ZNF407: variants seen among roughly 807,000 people sequenced by gnomAD.
The protein encoded by ZNF407 is zinc finger protein 407.
A neutral mutation model predicts 131.2 loss-of-function variants in ZNF407; 17 were observed. The observed-to-expected ratio is 0.13, with a 90% confidence interval of 0.09 to 0.19. The LOEUF is 0.19. Ranked by LOEUF, ZNF407 falls within the 10% of genes least tolerant of loss-of-function variation. The pLI, the probability that ZNF407 is intolerant of heterozygous loss-of-function variation, is 1.00. For synonymous variants in ZNF407, 1,156 were observed against 1,062.0 expected (o/e 1.09, Z -1.72); for missense variants, 2,681 against 2,830.6 (o/e 0.95, Z 1.20).
intron 8 of ZNF407, among the ~76,000 whole-genome samples, chr18:74,973,727 G>A (rs1312887339): frequency 3.9e-5 from 6 of 152,162 alleles, no homozygotes; most frequent in African/African-American, 7.2e-5. Context: ...GTGTTGGTCA[G>A]GCCATGCTTC....
rs1973700494 is a variant in ZNF407, at chr18:75,065,348, C to T, written c.*880C>T. ...TATTGATGCCATTTTTGCAGGATTT[C>T]TTCGTGATTTCTGTCCATATGAAAA... On this transcript the variant is annotated 3_prime_UTR_variant, in exon 9 of 9. Coordinates refer to ENST00000299687, the MANE Select transcript of ZNF407 (RefSeq NM_017757.3). 1 of 152,144 alleles carries T rather than the reference C, an allele frequency of 6.6e-6. No individual in the cohort carries two copies. The highest frequency in any genetic ancestry group is 2.1e-4 in the South Asian group (1 of 4,824). The allele number at this position is 152,144 out of a possible 1,614,324, so 9.4% of individuals were successfully genotyped here.
In ZNF407 at chr18:75,063,439, G is replaced by A. The variant is rs754942254; in HGVS notation, c.5718G>A (p.Thr1906=). 7.6e-5 allele frequency: 122 copies of A among 1,608,962 alleles called. No individual in the cohort carries two copies. Among genetic ancestry groups the A allele is most frequent in the Admixed American group, 3.5e-4 (21 of 59,432 alleles). ...AGGTGGCCCGGGTGGTGCATATCAC[G>A]GAGGATGGCCAGGTCATCGCCACGA... ...AGQVARVVHI[T]EDGQVIATSQ... Residue 1906 remains threonine (T), a synonymous_variant, in exon 9 of 9, where the codon ACG becomes ACA. Transcript: ENST00000299687. The surrounding 1 kb of genome is among the most constrained non-coding windows in gnomAD (Gnocchi z 6.6).
intron 3 of ZNF407, among the ~76,000 whole-genome samples, chr18:74,772,282 A>C (rs1969378624): frequency 6.6e-6 from 1 of 152,186 alleles, no homozygotes; most frequent in Non-Finnish European, 1.5e-5. Context: ...TAAGCAATAT[A>C]TTATTTGTTG....
intron 4 of ZNF407, among the ~76,000 whole-genome samples, chr18:74,797,572 A>T (rs1223959181): frequency 6.6e-6 from 1 of 152,282 alleles, no homozygotes; most frequent in Non-Finnish European, 1.5e-5. Context: ...GTGGGAGTAC[A>T]GGAATGCACT....
chr18:74,739,668 A>G (rs904850543), intron 3 of ZNF407, among the ~76,000 whole-genome samples: 1 of 152,148 alleles, frequency 6.6e-6, no homozygotes, highest in Non-Finnish European at 1.5e-5. Flanking sequence ...AAAATACACT[A>G]TGAAGGAGGA....
At chr18:74,756,125 C>G (rs1320025836) in intron 3 of ZNF407, among the ~76,000 whole-genome samples, 2 of 151,614 alleles carry the variant, frequency 1.3e-5, no homozygotes, top group Admixed American at 6.6e-5. Flanking sequence ...AACTCCTGAC[C>G]TCATGATGTG....
At chr18:74,834,547 G>T (rs567918204) in intron 4 of ZNF407, among the ~76,000 whole-genome samples, 90 of 152,252 alleles carry the variant, frequency 5.9e-4, no homozygotes, top group African/African-American at 2.0e-3. Flanking sequence ...GGATGAACAG[G>T]GCCCCCTTCA....
Position 75,064,605 on chromosome 18 carries a change from C to A in ZNF407, c.*137C>A. The A allele has an allele frequency of 1.2e-6, 1 of 802,918 alleles. No individual in the cohort carries two copies. Among genetic ancestry groups the A allele is most frequent in the Non-Finnish European group, 1.8e-6 (1 of 549,492 alleles). The allele number at this position is 802,918 out of a possible 1,614,324, so 49.7% of individuals were successfully genotyped here. On this transcript the variant is annotated 3_prime_UTR_variant, in exon 9 of 9. Transcript: ENST00000299687. The stretch of plus-strand genomic sequence containing the variant: ...TCCCGTGAGCTCTGAGCATGCCCTC[C>A]CAGCGAGAGTCACACTGGCCACCAG...
Position 74,866,875 on chromosome 18 carries a change from G to A in ZNF407, c.4878-10322G>A, listed in dbSNP as rs1463416283. On this transcript the variant is annotated intron_variant, in intron 4 of 8. Transcript: ENST00000299687. Reference sequence around the variant, plus strand: ...TCATTGATATTTAGTGTAAAAGTGGGCCTTGTGGCATGTACCTGTAGTCCC... The same window carrying A: ...TCATTGATATTTAGTGTAAAAGTGGACCTTGTGGCATGTACCTGTAGTCCC... Among the ~76,000 whole-genome samples, 3 of 144,954 alleles carry A rather than the reference G, an allele frequency of 2.1e-5. No homozygotes were observed. The East Asian group carries it at 6.0e-4, about 29-fold the overall frequency.
intron 6 of ZNF407, 27 bp from the exon 7 acceptor site, chr18:74,889,891 T>C: frequency 1.3e-6 from 2 of 1,585,172 alleles, no homozygotes; most frequent in Non-Finnish European, 1.7e-6. Flanking sequence ...TTATTATTCA[T>C]CTGTAACATT....
intron 8 of ZNF407, among the ~76,000 whole-genome samples, chr18:75,032,480 A>G (rs1190643602): frequency 1.3e-5 from 2 of 152,128 alleles, no homozygotes; most frequent in Non-Finnish European, 2.9e-5. Context: ...ATCTCTTGAC[A>G]TATTAACCTT....
rs1984215436 is a variant in ZNF407 at position 74,633,073 on chromosome 18, A to T, written c.2054A>T (p.Glu685Val). The T allele has an allele frequency of 6.2e-7, 1 of 1,613,866 alleles. No individual in the cohort carries two copies. Among genetic ancestry groups the T allele is most frequent in the Admixed American group, 1.7e-5 (1 of 60,008 alleles). Reference sequence around the variant, plus strand: ...GACTCAGGAAAAGCATCTCAGGAAGAACCTCTGAAGTCCAGGGTAAGCCAT... The same window carrying T: ...GACTCAGGAAAAGCATCTCAGGAAGTACCTCTGAAGTCCAGGGTAAGCCAT... ...MDDSGKASQE[E>V]PLKSRVSHGN... is the part of the protein sequence containing the mutation. The change falls in exon 2 of 9, where the codon GAA becomes GTA. Residue 685 changes from glutamate (E) to valine (V), a missense_variant. Around this residue, in one of 6 missense-constraint regions of ZNF407, gnomAD observed 1,789 missense variants for 1,748.7 expected, o/e 1.02. Transcript: ENST00000299687.
intron 3 of ZNF407, among the ~76,000 whole-genome samples, chr18:74,681,072 G>A (rs1031290481): frequency 1.3e-5 from 2 of 152,052 alleles, no homozygotes; most frequent in African/African-American, 4.8e-5. Flanking sequence ...ATACCAGGCA[G>A]GTGCTGTTAG....
intron 3 of ZNF407, among the ~76,000 whole-genome samples, chr18:74,768,735 C>A (rs1969297586): frequency 1.3e-5 from 2 of 152,126 alleles, no homozygotes; most frequent in Admixed American, 1.3e-4. Context: ...GCTAGTAATA[C>A]CGTAATGTGT....
intron 3 of ZNF407, among the ~76,000 whole-genome samples, chr18:74,646,870 T>C (rs1984996236): frequency 6.6e-6 from 1 of 152,210 alleles, no homozygotes; most frequent in Admixed American, 6.5e-5. Context: ...GGACAGCTCT[T>C]GTCTCCATTA....
At chr18:74,893,826 T>G (rs1239110360) in intron 7 of ZNF407, among the ~76,000 whole-genome samples, 1 of 152,178 alleles carries the variant, frequency 6.6e-6, no homozygotes, top group Non-Finnish European at 1.5e-5. Flanking sequence ...AATATTTAAC[T>G]TCTAGTTTTA....
At chr18:74,606,985 C>T (rs553995911) in intron 1 of ZNF407, among the ~76,000 whole-genome samples, 34 of 152,234 alleles carry the variant, frequency 2.2e-4, no homozygotes, top group African/African-American at 7.9e-4. Context: ...GGGTTATCAC[C>T]TTTTAGAGGG....
At chr18:74,874,596 C>T (rs982930322) in intron 4 of ZNF407, among the ~76,000 whole-genome samples, 7 of 152,244 alleles carry the variant, frequency 4.6e-5, no homozygotes, top group African/African-American at 9.6e-5. Context: ...GTGCATCTCC[C>T]GTCTCTGATA....
chr18:74,919,763 T>C (rs1322086495), intron 7 of ZNF407, among the ~76,000 whole-genome samples: 2 of 152,216 alleles, frequency 1.3e-5, no homozygotes, highest in East Asian at 1.9e-4. Context: ...CTGACAGGGA[T>C]GAAAGAGCAA....
Sources: gnomAD v4.1 joint callset for allele counts (sites outside exome capture counted in the v4.1 genomes callset) on GRCh38, gnomAD v4.1.1 for gene constraint, gnomAD v4.1.1 regional missense constraint, Gnocchi (gnomAD v3.1) non-coding constraint, MANE v1.5 for transcripts, NCBI Gene and HGNC (gene_info 2026-07-23, HGNC 2026-07-21) for gene names.